Variants in SFRP1 observed in about 807,000 individuals in gnomAD.
SFRP1 encodes secreted frizzled-related protein 1.
SFRP1 carries 9 observed loss-of-function variants against 25.9 expected under a neutral mutation model. That is an observed-to-expected ratio of 0.35 (90% confidence interval 0.21 to 0.61). The LOEUF is 0.61. SFRP1 is among the 20% of genes least tolerant of loss of function. The pLI is 0.78. For missense variants in SFRP1, 346 were observed against 418.2 expected (o/e 0.83, Z 1.51); for synonymous variants, 178 against 174.0 (o/e 1.02, Z -0.18).
At chr8:41,308,512 C>A in intron 1 of SFRP1, 104 bp downstream of exon 1, 1 of 948,842 alleles carries the variant, frequency 1.1e-6, no homozygotes, top group South Asian at 1.7e-5. Context: ...GTCCCCAGCA[C>A]CGGGACCCAG....
intron 2 of SFRP1, among the ~76,000 whole-genome samples, chr8:41,276,692 A>G (rs1176767593): frequency 6.6e-6 from 1 of 152,226 alleles, no homozygotes; most frequent in Non-Finnish European, 1.5e-5. Flanking sequence ...TTTTTCTCTC[A>G]TCTCCAAAAA....
At chr8:41,293,971 C>G (rs1474439366) in intron 2 of SFRP1, among the ~76,000 whole-genome samples, 10 of 150,928 alleles carry the variant, frequency 6.6e-5, no homozygotes, top group Admixed American at 5.3e-4. Flanking sequence ...CTCCTGGGCT[C>G]AAGCAATCTT....
chr8:41,308,260 G>A (rs1804022851), intron 1 of SFRP1, among the ~76,000 whole-genome samples: 2 of 152,244 alleles, frequency 1.3e-5, no homozygotes, highest in African/African-American at 4.8e-5. Flanking sequence ...AGAGGAGAGG[G>A]AAGCTCCCCT....
At position 41,265,041 on chromosome 8, in the gene SFRP1, G is replaced by T. The variant is rs767928939; in HGVS notation, c.*126C>A. The T allele has an allele frequency of 2.1e-5, 14 of 674,294 alleles. No homozygotes were observed. Among genetic ancestry groups the T allele is most frequent in the Non-Finnish European group, 3.5e-5 (14 of 403,416 alleles). 41.8% of individuals were successfully genotyped at this position (674,294 alleles called of 1,614,324 possible). A position where few individuals can be genotyped will look rare whatever the true frequency, so the allele number is the denominator to read the frequency against. On this transcript the variant is annotated 3_prime_UTR_variant, in exon 3 of 3. Transcript: ENST00000220772. ...AGCGGGAATGCTGCAAGAACAAGCC[G>T]ACTGGATTACAATGTCCACTACTGA...
intron 2 of SFRP1, among the ~76,000 whole-genome samples, chr8:41,294,310 GC>G (rs1210546648): frequency 6.6e-6 from 1 of 152,144 alleles, no homozygotes; most frequent in Non-Finnish European, 1.5e-5. Flanking sequence ...ATTCCCCAAA[GC>G]TGAATGCATC....
chr8:41,300,991 G>A (rs1187208704), intron 2 of SFRP1, among the ~76,000 whole-genome samples: 1 of 152,204 alleles, frequency 6.6e-6, no homozygotes, highest in African/African-American at 2.4e-5. Context: ...GTGCAGGGCT[G>A]GAGACATGAG....
chr8:41,265,120 G>GCCCCCC lies in SFRP1; in HGVS notation c.*46_*47insGGGGGG. ...GGGTTCCCGGGGCACTGTCCCCCCC[G>GCCCCCC]CTCCCACCCCACCCGAGGCTCCCTC... On this transcript the variant is annotated 3_prime_UTR_variant, in exon 3 of 3. Coordinates refer to ENST00000220772, the MANE Select transcript of SFRP1 (RefSeq NM_003012.5). The GCCCCCC allele has an allele frequency of 6.2e-6, 1 of 160,642 alleles. No individual in the cohort carries two copies. Among genetic ancestry groups the GCCCCCC allele is most frequent in the Non-Finnish European group, 1.2e-5 (1 of 84,338 alleles). 10.0% of individuals were successfully genotyped at this position (160,642 alleles called of 1,614,324 possible). A position where few individuals can be genotyped will look rare whatever the true frequency, so the allele number is the denominator to read the frequency against.
intron 2 of SFRP1, 100 bp downstream of exon 2, chr8:41,303,361 G>A (rs1200316565): frequency 2.3e-6 from 2 of 851,934 alleles, no homozygotes; most frequent in Non-Finnish European, 4.0e-6. Flanking sequence ...TAGAGAATAT[G>A]GAAAGCTGCA....
intron 2 of SFRP1, among the ~76,000 whole-genome samples, chr8:41,272,336 G>A (rs1175860220): frequency 1.3e-5 from 2 of 152,256 alleles, no homozygotes; most frequent in African/African-American, 4.8e-5. Flanking sequence ...CAGGCACGGT[G>A]GCTCACGCCT....
At chr8:41,295,545 T>C (rs1406813568) in intron 2 of SFRP1, among the ~76,000 whole-genome samples, 2 of 134,310 alleles carry the variant, frequency 1.5e-5, no homozygotes, top group East Asian at 2.1e-4. Context: ...AAAAAAAAAA[T>C]TCACTACAGT....
chr8:41,304,055 GA>G (rs879743194), intron 1 of SFRP1, among the ~76,000 whole-genome samples: 4 of 152,094 alleles, frequency 2.6e-5, no homozygotes, highest in Admixed American at 2.6e-4. Context: ...CTCGGCCCCT[GA>G]ACACCTCCTC....
intron 1 of SFRP1, among the ~76,000 whole-genome samples, chr8:41,308,083 A>AG (rs1804020740): frequency 6.6e-6 from 1 of 152,216 alleles, no homozygotes; most frequent in Non-Finnish European, 1.5e-5. Context: ...TGACCAGTGA[A>AG]GGAAAGGGCT....
chr8:41,292,055 A>G (rs543595821), intron 2 of SFRP1, among the ~76,000 whole-genome samples: 1 of 152,240 alleles, frequency 6.6e-6, no homozygotes, highest in East Asian at 1.9e-4. Context: ...TCCCACTCAT[A>G]ACGCAACTTC....
At chr8:41,307,705 T>C (rs1395783088) in intron 1 of SFRP1, among the ~76,000 whole-genome samples, 1 of 152,236 alleles carries the variant, frequency 6.6e-6, no homozygotes, top group Admixed American at 6.5e-5. Flanking sequence ...TATATCTATT[T>C]CATTTTATTT....
At chr8:41,280,959 T>G (rs1803628257) in intron 2 of SFRP1, among the ~76,000 whole-genome samples, 1 of 152,230 alleles carries the variant, frequency 6.6e-6, no homozygotes, top group Admixed American at 6.5e-5. Context: ...TCTTTTAATG[T>G]TCCAAGTACT....
At chr8:41,275,402 C>T in intron 2 of SFRP1, 1 of 234,950 alleles carries the variant, frequency 4.3e-6, no homozygotes, top group East Asian at 1.7e-4. Flanking sequence ...AAGAGACTTG[C>T]TTTTTCCCTA....
At chr8:41,295,162 A>C (rs1585517980) in intron 2 of SFRP1, among the ~76,000 whole-genome samples, 1 of 152,186 alleles carries the variant, frequency 6.6e-6, no homozygotes, top group African/African-American at 2.4e-5. Context: ...GGAGTTCAAG[A>C]CCAGCCTGGC....
Position 41,309,282 on chromosome 8 carries a change from C to G in SFRP1, c.-123G>C, listed in dbSNP as rs1343891206. The stretch of plus-strand genomic sequence containing the variant: ...AGGCGCAGTCCCCAGCGTTGCCCGG[C>G]TCCGCGGCCGCAAGCTGCTGCCCGG... On this transcript the variant is annotated 5_prime_UTR_variant, in exon 1 of 3. Coordinates refer to ENST00000220772, the MANE Select transcript of SFRP1 (RefSeq NM_003012.5). 8.8e-7 allele frequency: 1 copy of G among 1,136,656 alleles called. No homozygotes were observed. Among genetic ancestry groups the G allele is most frequent in the East Asian group, 3.5e-5 (1 of 28,300 alleles). The allele number at this position is 1,136,656 out of a possible 1,614,324, so 70.4% of individuals were successfully genotyped here.
intron 2 of SFRP1, among the ~76,000 whole-genome samples, chr8:41,288,054 T>TA (rs113220723): frequency 0.32 from 47,816 of 148,792 alleles, 7,913 homozygotes; most frequent in Middle Eastern, 0.46. Context: ...CCCGTTTCTA[T>TA]AAAAAAAAAA....
Sources: allele counts gnomAD v4.1 joint callset (sites outside exome capture counted in the v4.1 genomes callset), GRCh38; gene constraint gnomAD v4.1.1; transcripts MANE v1.5; gene names NCBI Gene and HGNC (gene_info 2026-07-23, HGNC 2026-07-21).